The following CUL5 variants were observed in gnomAD, a reference collection of about 807,000 sequenced individuals.
The protein encoded by CUL5 is cullin 5, also known as cullin-5.
In CUL5, 26 loss-of-function variants were observed where a neutral mutation model predicts 108.8. The observed-to-expected ratio is 0.24, with a 90% confidence interval of 0.18 to 0.33. The LOEUF is 0.33. Ranked by LOEUF, CUL5 falls within the 10% of genes least tolerant of loss-of-function variation. The pLI, the probability that CUL5 is intolerant of heterozygous loss-of-function variation, is 1.00. For missense variants in CUL5, 524 were observed against 909.2 expected, an observed-to-expected ratio of 0.58 and a Z score of 5.45; for synonymous variants, 334 against 298.0, an observed-to-expected ratio of 1.12 and a Z score of -1.25.
chr11:108,032,183 C>T (rs61914360), intron 1 of CUL5, among the ~76,000 whole-genome samples: 4 of 152,212 alleles, frequency 2.6e-5, no homozygotes, highest in South Asian at 2.1e-4. Context: ...TAAAGAAAAT[C>T]GTGACTTTTG....
chr11:108,025,972 G>A (rs1055419445), intron 1 of CUL5, among the ~76,000 whole-genome samples: 1 of 152,154 alleles, frequency 6.6e-6, no homozygotes, highest in Non-Finnish European at 1.5e-5. Context: ...GCGCTGTCCT[G>A]CACTGCTTTT....
intron 8 of CUL5, 31 bp from the exon 9 acceptor site, chr11:108,072,301 A>G (rs1863845332): frequency 2.0e-6 from 3 of 1,532,290 alleles, no homozygotes; most frequent in East Asian, 2.3e-5. Flanking sequence ...AGTAAATGAA[A>G]TGATTACATG....
chr11:108,092,536 A>G (rs929346373), intron 13 of CUL5, among the ~76,000 whole-genome samples: 22 of 152,244 alleles, frequency 1.4e-4, no homozygotes, highest in Non-Finnish European at 1.2e-4. Flanking sequence ...AACTAATAAT[A>G]CATGCTGCAA....
At chr11:108,032,858 T>G (rs1565237768) in intron 1 of CUL5, among the ~76,000 whole-genome samples, 1 of 152,180 alleles carries the variant, frequency 6.6e-6, no homozygotes, top group Non-Finnish European at 1.5e-5. Flanking sequence ...TTTTCTGTTT[T>G]TTTTTTCTCC....
intron 18 of CUL5, among the ~76,000 whole-genome samples, chr11:108,103,798 C>T (rs1322159778): frequency 6.6e-6 from 1 of 152,134 alleles, no homozygotes; most frequent in South Asian, 2.1e-4. Context: ...TTTTCAAAAT[C>T]TCTATAGTCA....
At chr11:108,056,671 T>A (rs1470585269) in intron 7 of CUL5, among the ~76,000 whole-genome samples, 1 of 152,138 alleles carries the variant, frequency 6.6e-6, no homozygotes. Context: ...TTAGGAAGAT[T>A]AATCTGGTGA....
intron 2 of CUL5, among the ~76,000 whole-genome samples, chr11:108,040,761 A>G (rs1041266134): frequency 6.6e-6 from 1 of 152,112 alleles, no homozygotes; most frequent in Non-Finnish European, 1.5e-5. Flanking sequence ...GCAGGGTGAC[A>G]GGGAGAGACC....
chr11:108,096,328 TA>T (rs71047670), intron 16 of CUL5, among the ~76,000 whole-genome samples: 66,320 of 119,854 alleles, frequency 0.55, 16,971 homozygotes, highest in African/African-American at 0.61. Flanking sequence ...ATCCCATCTC[TA>T]AAAAAAAAAA....
At chr11:108,029,921 A>G (rs2135077288) in intron 1 of CUL5, among the ~76,000 whole-genome samples, 1 of 152,320 alleles carries the variant, frequency 6.6e-6, no homozygotes, top group Non-Finnish European at 1.5e-5. Flanking sequence ...AATTTTATAA[A>G]TTAGCAAAAG....
chr11:108,083,781 G>A (rs1461542831), intron 11 of CUL5, among the ~76,000 whole-genome samples: 1 of 152,160 alleles, frequency 6.6e-6, no homozygotes, highest in Non-Finnish European at 1.5e-5. Flanking sequence ...CTGTCTCAAA[G>A]TAGAAAATTT....
chr11:108,094,368 C>A (rs369374506), intron 13 of CUL5, 23 bp from the exon 14 acceptor site: 3 of 1,539,060 alleles, frequency 1.9e-6, no homozygotes, highest in African/African-American at 2.8e-5. Context: ...ATTACCTCTT[C>A]CTTCTTTGGT....
intron 1 of CUL5, among the ~76,000 whole-genome samples, chr11:108,018,324 A>T (rs568816690): frequency 6.6e-6 from 1 of 152,232 alleles, no homozygotes; most frequent in African/African-American, 2.4e-5. Context: ...ATCAGCCCTC[A>T]GTATTCATGA....
Position 108,105,641 on chromosome 11 carries a change from C to A in CUL5, c.*1257C>A. 6.6e-6 allele frequency: 1 copy of A among 152,048 alleles called. No individual in the cohort carries two copies. The highest frequency in any genetic ancestry group is 1.9e-4 in the East Asian group (1 of 5,202). The allele number at this position is 152,048 out of a possible 1,614,324, so 9.4% of individuals were successfully genotyped here. On this transcript the variant is annotated 3_prime_UTR_variant, in exon 19 of 19. Transcript: ENST00000393094. Reference sequence around the variant, plus strand: ...TTAACTAGTTGCTGGCAACTGAATACCCAGAGTAGTGGAAATTTTAGGACT... The same window carrying A: ...TTAACTAGTTGCTGGCAACTGAATAACCAGAGTAGTGGAAATTTTAGGACT...
Position 108,090,653 on chromosome 11 carries a change from A to G in CUL5, c.1443+1030A>G, listed in dbSNP as rs960027712. ...AATGATGGCCTATTTAGGGTAATCA[A>G]TGCTGATTATAACTAAATTCCCATA... On this transcript the variant is annotated intron_variant, in intron 13 of 18. Transcript: ENST00000393094. 7.9e-4 allele frequency among the ~76,000 whole-genome samples: 120 copies of G among 152,304 alleles called. 1 individual carries two copies. Among genetic ancestry groups the G allele is most frequent in the African/African-American group, 2.7e-3 (114 of 41,566 alleles).
intron 5 of CUL5, among the ~76,000 whole-genome samples, chr11:108,054,056 G>C (rs1223627965): frequency 6.6e-6 from 1 of 152,138 alleles, no homozygotes; most frequent in Non-Finnish European, 1.5e-5. Context: ...ATAGTGGCCA[G>C]GCTGGTCTTG....
At chr11:108,060,252 C>T (rs578203668) in intron 7 of CUL5, among the ~76,000 whole-genome samples, 28 of 151,930 alleles carry the variant, frequency 1.8e-4, no homozygotes, top group African/African-American at 5.3e-4. Flanking sequence ...TTTGTAGTGC[C>T]ACTAATGATA....
At chr11:108,058,065 C>T (rs974128841) in intron 7 of CUL5, among the ~76,000 whole-genome samples, 1 of 151,402 alleles carries the variant, frequency 6.6e-6, no homozygotes, top group African/African-American at 2.4e-5. Context: ...AAAAATTAGC[C>T]GGACGTGGTG....
intron 13 of CUL5, among the ~76,000 whole-genome samples, chr11:108,093,016 A>G (rs903107947): frequency 6.6e-6 from 1 of 151,980 alleles, no homozygotes; most frequent in Admixed American, 6.6e-5. Flanking sequence ...GGGTTTCACC[A>G]TGTTAGCCAG....
At chr11:108,030,775 A>G (rs963229064) in intron 1 of CUL5, among the ~76,000 whole-genome samples, 3 of 152,210 alleles carry the variant, frequency 2.0e-5, no homozygotes, top group African/African-American at 7.2e-5. Context: ...GTGGTTCTTA[A>G]CCTAGTTTGG....
Sources: gnomAD v4.1 joint callset for allele counts (sites outside exome capture counted in the v4.1 genomes callset) on GRCh38, gnomAD v4.1.1 for gene constraint, MANE v1.5 for transcripts, NCBI Gene and HGNC (gene_info 2026-07-23, HGNC 2026-07-21) for gene names.